Variants in ATP6V0A2 observed in about 807,000 individuals in gnomAD.
The protein encoded by ATP6V0A2 is V-type proton ATPase 116 kDa subunit a 2.
A neutral mutation model predicts 104.4 loss-of-function variants in ATP6V0A2; 58 were observed. The observed-to-expected ratio is 0.56, with a 90% CI of 0.45 to 0.69. The LOEUF (loss-of-function observed/expected upper bound fraction) is 0.69. ATP6V0A2 is among the 30% of genes least tolerant of loss of function. ATP6V0A2 has a pLI of 0.00. For missense variants in ATP6V0A2, 938 were observed against 1,062.9 expected, an observed-to-expected ratio of 0.88 and a Z score of 1.63; for synonymous variants, 376 against 397.9, an observed-to-expected ratio of 0.95 and a Z score of 0.65.
At chr12:123,730,100 G>A (rs1956487832) in intron 6 of ATP6V0A2, among the ~76,000 whole-genome samples, 1 of 142,026 alleles carries the variant, frequency 7.0e-6, no homozygotes, top group East Asian at 2.0e-4. Context: ...TGTCGCCCAG[G>A]CTGGAGTGCA....
chr12:123,747,546 T>G, intron 13 of ATP6V0A2, 61 bp from the exon 14 acceptor site: 3 of 1,093,882 alleles, frequency 2.7e-6, no homozygotes, highest in Non-Finnish European at 4.3e-6. Flanking sequence ...GGAACTTTCT[T>G]GAGTGTCACC....
intron 15 of ATP6V0A2, 46 bp downstream of exon 15, chr12:123,748,831 A>G (rs1956687932): frequency 3.3e-6 from 5 of 1,537,478 alleles, no homozygotes; most frequent in African/African-American, 2.7e-5. Flanking sequence ...AGTATTCCCA[A>G]TAGTCTTTTA....
At chr12:123,730,118 G>T (rs1230819054) in intron 6 of ATP6V0A2, among the ~76,000 whole-genome samples, 3 of 142,902 alleles carry the variant, frequency 2.1e-5, no homozygotes, top group Non-Finnish European at 4.5e-5. Flanking sequence ...GCAGTGGCGC[G>T]ATCTCGGCTC....
In ATP6V0A2 at chr12:123,740,204, CTT is replaced by C. The variant is rs34257905; in HGVS notation, c.1038+2947_1038+2948del. The stretch of plus-strand genomic sequence containing the variant: ...TTTTACAGAATGTCTCTCTCTCTCT[CTT>C]TTTTTTTTTTTTTGGAGATAGAGTC... On this transcript the variant is annotated intron_variant, in intron 9 of 19. Coordinates refer to ENST00000330342, the MANE Select transcript of ATP6V0A2 (RefSeq NM_012463.4). 2.8e-3 allele frequency among the ~76,000 whole-genome samples: 390 copies of C among 141,630 alleles called. 1 individual carries two copies. The highest frequency in any genetic ancestry group is 6.5e-3 in the African/African-American group (251 of 38,450). The allele number at this position is 141,630 out of a possible 152,430, so 92.9% of individuals were successfully genotyped here.
intron 16 of ATP6V0A2, among the ~76,000 whole-genome samples, chr12:123,751,862 CTT>C (rs34862238): frequency 3.2e-5 from 4 of 123,438 alleles, no homozygotes; most frequent in Non-Finnish European, 6.6e-5. Context: ...TTCTTTCTTT[CTT>C]TTTTTTTTTT....
chr12:123,729,038 C>CT (rs1174348273), intron 6 of ATP6V0A2, among the ~76,000 whole-genome samples: 4 of 151,962 alleles, frequency 2.6e-5, no homozygotes, highest in African/African-American at 7.3e-5. Flanking sequence ...TGAAGTTACT[C>CT]TTTTTTTTGT....
rs1956640528 is a variant in ATP6V0A2, at chr12:123,744,522, G to A, written c.1327-75G>A. On this transcript the variant is annotated intron_variant, in intron 11 of 19. Coordinates refer to ENST00000330342, the MANE Select transcript of ATP6V0A2 (RefSeq NM_012463.4). The surrounding 1 kb of genome is among the most constrained non-coding windows in gnomAD (Gnocchi z 5.4). ...GTTTTCTGAGAAGTGAGTGGTGAGG[G>A]TCGTGCCCACACCGACAGCTGTCAC... is the stretch of plus-strand genomic sequence containing the variant. The A allele has an allele frequency of 1.3e-6, 2 of 1,596,104 alleles. No individual in the cohort carries two copies. Among genetic ancestry groups the A allele is most frequent in the Non-Finnish European group, 1.7e-6 (2 of 1,167,646 alleles).
intron 9 of ATP6V0A2, among the ~76,000 whole-genome samples, chr12:123,739,297 T>G (rs7295552): frequency 1.3e-5 from 2 of 152,024 alleles, no homozygotes; most frequent in Admixed American, 6.5e-5. Context: ...TCTTACTGCT[T>G]ATAGTCCCTG....
intron 6 of ATP6V0A2, chr12:123,731,994 C>T (rs1169032009): frequency 6.6e-6 from 1 of 152,178 alleles, no homozygotes; most frequent in African/African-American, 2.4e-5. Context: ...ATGTGTATAT[C>T]CCTAGCTTGG....
At chr12:123,746,301 A>G (rs929832634) in intron 13 of ATP6V0A2, among the ~76,000 whole-genome samples, 19 of 152,060 alleles carry the variant, frequency 1.2e-4, no homozygotes. Context: ...AAGTAAACCA[A>G]TGTGTGTACG....
rs200646099 is a variant in ATP6V0A2, at chr12:123,718,686, C to A, written c.181C>A (p.Leu61Ile). ...TGGTGAGGTGAAGAGGTGTGAAGAG[C>A]TAGAGCGAATATTGGGTAAGTTTAT... ...FVGEVKRCEE[L>I]ERILVYLVQE... The change falls in exon 2 of 20, where the codon CTA becomes ATA. Residue 61 changes from leucine to isoleucine, a missense_variant. Transcript: ENST00000330342. 1 of 1,610,760 alleles carries A rather than the reference C, an allele frequency of 6.2e-7. No individual in the cohort carries two copies.
At position 123,743,748 on chromosome 12, in the gene ATP6V0A2, G is replaced by T. The variant is rs1471049457; in HGVS notation, c.1039-37G>T. ...AATATGGATAGTTATTTTCTTCTTG[G>T]ATAGTAATTTTTTATCTTTCCTTGT... On this transcript the variant is annotated intron_variant, in intron 9 of 19. Transcript: ENST00000330342. 4 of 1,611,456 alleles carry T rather than the reference G, an allele frequency of 2.5e-6. No homozygotes were observed. The African/African-American group carries it at 4.0e-5, about 16-fold the overall frequency.
intron 16 of ATP6V0A2, 83 bp downstream of exon 16, chr12:123,751,312 TG>T: frequency 6.3e-7 from 1 of 1,589,662 alleles, no homozygotes; most frequent in Non-Finnish European, 8.6e-7. Context: ...AAACACCTCC[TG>T]GAGGGTCCCT....
At chr12:123,747,264 C>A (rs1223136137) in intron 13 of ATP6V0A2, among the ~76,000 whole-genome samples, 1 of 152,124 alleles carries the variant, frequency 6.6e-6, no homozygotes, top group East Asian at 1.9e-4. Flanking sequence ...GGGACATAAC[C>A]CAGGACCTTG....
intron 2 of ATP6V0A2, chr12:123,721,274 T>G (rs1956397030): frequency 5.0e-6 from 1 of 201,402 alleles, no homozygotes; most frequent in African/African-American, 2.3e-5. Context: ...GAACCACTTG[T>G]TCTTGCCAGT....
Position 123,756,979 on chromosome 12 carries a change from C to G in ATP6V0A2, c.2458C>G (p.Leu820Val), listed in dbSNP as rs771068693. ...TTCTGCGTTTCTTCACGCCATACGC[C>G]TCCACTGGTGAGTTTGAAACCTAGC... Reference protein sequence around the residue: ...GLSAFLHAIRLHWVEFQNKFY... With the variant: ...GLSAFLHAIRVHWVEFQNKFY... Residue 820 changes from leucine (L) to valine (V), a missense_variant, in exon 19 of 20, where the codon CTC (leucine) becomes GTC (valine). Physicochemically the swap from Leu to Val is conservative, Grantham distance 32. Transcript: ENST00000330342. The G allele has an allele frequency of 6.2e-7, 1 of 1,614,198 alleles. No individual in the cohort carries two copies. Among genetic ancestry groups the G allele is most frequent in the Admixed American group, 1.7e-5 (1 of 60,030 alleles).
At chr12:123,747,372 TG>T (rs745771353) in intron 13 of ATP6V0A2, among the ~76,000 whole-genome samples, 7 of 152,354 alleles carry the variant, frequency 4.6e-5, no homozygotes, top group Non-Finnish European at 8.8e-5. Flanking sequence ...AAACGCTATG[TG>T]GTTCCATCTG....
intron 8 of ATP6V0A2, among the ~76,000 whole-genome samples, chr12:123,736,714 A>T (rs1956557474): frequency 6.6e-6 from 1 of 152,128 alleles, no homozygotes; most frequent in South Asian, 2.1e-4. Flanking sequence ...AAGCTTGGGA[A>T]TGGGTAGGAA....
Position 123,727,886 on chromosome 12 carries a change from G to A in ATP6V0A2, c.625G>A (p.Glu209Lys). The change falls in exon 6 of 20, where the codon GAA (glutamate) becomes AAA (lysine). Residue 209 changes from glutamate to lysine, a missense_variant. Physicochemically the swap from Glu to Lys is moderately conservative, Grantham distance 56. Transcript: ENST00000330342. ...YTIVSYAELDESLEDPETGEV... is the reference protein window; with the variant it reads ...YTIVSYAELDKSLEDPETGEV... ...CATCGTGTCCTATGCAGAACTGGAT[G>A]AATCCCTTGAAGACCCTGAAACAGT... 6.2e-7 allele frequency: 1 copy of A among 1,614,210 alleles called. No homozygotes were observed. The highest frequency in any genetic ancestry group is 8.5e-7 in the Non-Finnish European group (1 of 1,180,032).
Sources: allele counts gnomAD v4.1 joint callset (sites outside exome capture counted in the v4.1 genomes callset), GRCh38; gene constraint gnomAD v4.1.1; non-coding constraint Gnocchi (gnomAD v3.1); transcripts MANE v1.5; gene names NCBI Gene and HGNC (gene_info 2026-07-23, HGNC 2026-07-21).